JAG2: variants seen among roughly 807,000 people sequenced by gnomAD.
JAG2 encodes the protein protein jagged-2.
In JAG2, 46 loss-of-function variants were observed where a neutral mutation model predicts 141.7. That is an observed-to-expected ratio of 0.32 (90% CI 0.26 to 0.42). JAG2 has a LOEUF of 0.42. JAG2 is among the 10% of genes least tolerant of loss of function. JAG2 has a pLI of 1.00. For missense variants in JAG2, 1,500 were observed against 1,817.5 expected (o/e 0.83, Z 3.18); for synonymous variants, 862 against 763.5 (o/e 1.13, Z -2.13).
In JAG2 at chr14:105,154,518, C is replaced by T. The variant is rs1888524588; in HGVS notation, c.788+1044G>A. 6.6e-6 allele frequency among the ~76,000 whole-genome samples: 1 copy of T among 152,202 alleles called. No individual in the cohort carries two copies. The highest frequency in any genetic ancestry group is 2.4e-5 in the African/African-American group (1 of 41,454). ...CCAGCCCCCCTGGCTGGATCCCCCA[C>T]ACTCTGGTCTGGGTCCAGAGGCCTC... On this transcript the variant is annotated intron_variant, in intron 5 of 25. Coordinates refer to ENST00000331782, the MANE Select transcript of JAG2 (RefSeq NM_002226.5). This position sits in a 1 kb window ranked among gnomAD's most constrained non-coding sequence, Gnocchi z 4.4.
At chr14:105,161,331 G>T (rs1270224848) in intron 2 of JAG2, among the ~76,000 whole-genome samples, 1 of 152,134 alleles carries the variant, frequency 6.6e-6, no homozygotes, top group Non-Finnish European at 1.5e-5. Context: ...TCAGAGGATG[G>T]GGCCAGCATG....
rs1566756947 is a variant in JAG2, at chr14:105,142,367, A to T, written c.*328T>A. The T allele has an allele frequency of 3.6e-6, 1 of 278,564 alleles. No individual in the cohort carries two copies. Among genetic ancestry groups the T allele is most frequent in the Non-Finnish European group, 6.8e-6 (1 of 147,914 alleles). 17.3% of individuals were successfully genotyped at this position (278,564 alleles called of 1,614,324 possible). On this transcript the variant is annotated 3_prime_UTR_variant, in exon 26 of 26. Coordinates refer to ENST00000331782, the MANE Select transcript of JAG2 (RefSeq NM_002226.5). ...GTGAGGAATAAAAGGAAGATTCTGT[A>T]AACAGTGCACAACCTCTGGTAACAA...
chr14:105,143,736 G>A, intron 24 of JAG2, 98 bp from the exon 25 acceptor site: 4 of 1,462,992 alleles, frequency 2.7e-6, no homozygotes, highest in Non-Finnish European at 2.8e-6. Flanking sequence ...GGAGCAAGGT[G>A]GGCGCACGGG....
intron 5 of JAG2, among the ~76,000 whole-genome samples, chr14:105,152,497 G>A (rs765850416): frequency 5.3e-5 from 8 of 152,172 alleles, no homozygotes; most frequent in Non-Finnish European, 8.8e-5. Flanking sequence ...GGCTGCCGAC[G>A]GTCAGCCCCA....
In JAG2 at chr14:105,151,377, C is replaced by T. The variant is rs1194152666; in HGVS notation, c.1173G>A (p.Ser391=). ...AGGTGCCACCGGCCGCACACGGGTTCGAAGCACACTCATCGATGTCTGCAG... is the reference window on the plus strand; with the variant it reads ...AGGTGCCACCGGCCGCACACGGGTTTGAAGCACACTCATCGATGTCTGCAG... ...TCALDIDECA[S]NPCAAGGTCV... The change falls in exon 9 of 26, where the codon TCG becomes TCA. Residue 391 remains serine (S), a synonymous_variant. Transcript: ENST00000331782. 4 of 1,611,488 alleles carry T rather than the reference C, an allele frequency of 2.5e-6. No individual in the cohort carries two copies. The highest frequency in any genetic ancestry group is 1.3e-5 in the African/African-American group (1 of 74,994).
At chr14:105,157,322 CCCCTGCAGGG>C (rs1888611002) in intron 3 of JAG2, among the ~76,000 whole-genome samples, 3 of 151,916 alleles carry the variant, frequency 2.0e-5, no homozygotes, top group Admixed American at 1.3e-4. Context: ...CATCCCGTTA[CCCCTGCAGGG>C]CCCTGCAGAG....
Position 105,155,832 on chromosome 14 carries a change from G to A in JAG2, c.633C>T (p.Cys211=), listed in dbSNP as rs947700876. 3 of 1,612,478 alleles carry A rather than the reference G, an allele frequency of 1.9e-6. No individual in the cohort carries two copies. In the African/African-American group the frequency reaches 4.0e-5, roughly 22 times the overall value. The part of the protein sequence containing the change: ...NYYSATCNKF[C]RPRNDFFGHY... ...GGCCGAAAAAGTCGTTGCGGGGCCGGCAGAACTTGTTGCAAGTGGCGCTGT... is the reference window on the plus strand; with the variant it reads ...GGCCGAAAAAGTCGTTGCGGGGCCGACAGAACTTGTTGCAAGTGGCGCTGT... Residue 211 remains cysteine, a synonymous_variant, in exon 4 of 26, where the codon TGC becomes TGT. Coordinates refer to ENST00000331782, the MANE Select transcript of JAG2 (RefSeq NM_002226.5).
intron 2 of JAG2, among the ~76,000 whole-genome samples, chr14:105,159,706 T>TG (rs1888678446): frequency 2.0e-5 from 1 of 50,808 alleles, no homozygotes; most frequent in Non-Finnish European, 3.5e-5. Context: ...CCCCGCAACA[T>TG]GCTCCATCCA....
chr14:105,166,903 C>T (rs1880317093), intron 2 of JAG2, among the ~76,000 whole-genome samples: 1 of 152,180 alleles, frequency 6.6e-6, no homozygotes, highest in South Asian at 2.1e-4. Flanking sequence ...GGAAGGACCT[C>T]TGGGCACCAG....
At chr14:105,144,011 T>C (rs1401793650) in intron 24 of JAG2, among the ~76,000 whole-genome samples, 1 of 48,432 alleles carries the variant, frequency 2.1e-5, no homozygotes, top group Non-Finnish European at 4.2e-5. Flanking sequence ...TGGGGGGAAG[T>C]GGAGGGGTGG....
At chr14:105,144,001 TG>T (rs1205620166) in intron 24 of JAG2, among the ~76,000 whole-genome samples, 2 of 14,350 alleles carry the variant, frequency 1.4e-4, no homozygotes, top group Non-Finnish European at 1.5e-4. Flanking sequence ...CAGTGAGGGG[TG>T]GGGGGAAGTG....
chr14:105,155,095 C>G (rs1046403855), intron 5 of JAG2, among the ~76,000 whole-genome samples: 1 of 151,128 alleles, frequency 6.6e-6, no homozygotes, highest in Non-Finnish European at 1.5e-5. Flanking sequence ...TTCCACCCAC[C>G]TTGCCCAGCT....
chr14:105,165,047 C>G (rs1017669343), intron 2 of JAG2, among the ~76,000 whole-genome samples: 1 of 152,216 alleles, frequency 6.6e-6, no homozygotes, highest in Non-Finnish European at 1.5e-5. Context: ...GAGCCCAGCA[C>G]ACACATGCCA....
At chr14:105,164,364 AGG>A (rs1888847765) in intron 2 of JAG2, among the ~76,000 whole-genome samples, 1 of 152,126 alleles carries the variant, frequency 6.6e-6, no homozygotes, top group Non-Finnish European at 1.5e-5. Context: ...CCATGGCAGG[AGG>A]AACAGACCGA....
chr14:105,142,706 C>T lies in JAG2; in HGVS notation c.3706G>A (p.Gly1236Ser), dbSNP rs201557978. ...VRSINEARYA[G>S]KE ...GCTGGCAGCCGCCCCTACTCCTTGC[C>T]GGCGTAGCGGGCCTCATTGATGCTC... The change falls in exon 26 of 26, where the codon GGC becomes AGC. Residue 1236 changes from glycine to serine, a missense_variant. Gly to Ser is a moderately conservative substitution (Grantham distance 56). Transcript: ENST00000331782. 1,151 of 1,599,578 alleles carry T rather than the reference C, an allele frequency of 7.2e-4. No individual in the cohort carries two copies. The highest frequency in any genetic ancestry group is 2.1e-3 in the Admixed American group (125 of 58,988).
Position 105,155,718 on chromosome 14 carries a change from CA to C in JAG2, c.727+19del, listed in dbSNP as rs772664219. 2 of 1,612,258 alleles carry C rather than the reference CA, an allele frequency of 1.2e-6. No individual in the cohort carries two copies. Among genetic ancestry groups the C allele is most frequent in the East Asian group, 2.2e-5 (1 of 44,890 alleles). On this transcript the variant is annotated intron_variant, in intron 4 of 25. Transcript: ENST00000331782. ...CCCGAGGCCCTCCCTGCCCTCCACGCAGCCCAGCGGCCCCCTCACCTTCCTT... is the reference window on the plus strand; with the variant it reads ...CCCGAGGCCCTCCCTGCCCTCCACGCGCCCAGCGGCCCCCTCACCTTCCTT...
At chr14:105,156,103 C>A in intron 3 of JAG2, 114 bp from the exon 4 acceptor site, 5 of 1,358,066 alleles carry the variant, frequency 3.7e-6, no homozygotes, top group Non-Finnish European at 5.0e-6. Flanking sequence ...CGGGGCACAG[C>A]AGGCAGCAGC....
At position 105,167,326 on chromosome 14, in the gene JAG2, G is replaced by A. The variant is rs986261056; in HGVS notation, c.417+431C>T. On this transcript the variant is annotated intron_variant, in intron 2 of 25. Coordinates refer to ENST00000331782, the MANE Select transcript of JAG2 (RefSeq NM_002226.5). This position sits in a 1 kb window ranked among gnomAD's most constrained non-coding sequence, Gnocchi z 4.8. ...GTGCCCCCCAGGCATCCAGGAAACT[G>A]CAGGGCAGGCGCAGGCTGGCCACGG... Among the ~76,000 whole-genome samples, 1 of 152,078 alleles carries A rather than the reference G, an allele frequency of 6.6e-6. No homozygotes were observed. Among genetic ancestry groups the A allele is most frequent in the Non-Finnish European group, 1.5e-5 (1 of 67,994 alleles).
chr14:105,167,748 C>A lies in JAG2; in HGVS notation c.417+9G>T, dbSNP rs1888964638. Reference sequence around the variant, plus strand: ...AAGGGCTGGAGCACGAGGGATGGAGCGCACGTACCGGCCAGGCGAACTGGA... The same window carrying A: ...AAGGGCTGGAGCACGAGGGATGGAGAGCACGTACCGGCCAGGCGAACTGGA... On this transcript the variant is annotated intron_variant, in intron 2 of 25. Transcript: ENST00000331782. The surrounding 1 kb of genome is among the most constrained non-coding windows in gnomAD (Gnocchi z 4.8). 8 of 1,453,794 alleles carry A rather than the reference C, an allele frequency of 5.5e-6. No individual in the cohort carries two copies. The highest frequency in any genetic ancestry group is 7.2e-6 in the Non-Finnish European group (8 of 1,104,932). 90.1% of individuals were successfully genotyped at this position (1,453,794 alleles called of 1,614,324 possible).
Sources: allele counts gnomAD v4.1 joint callset (sites outside exome capture counted in the v4.1 genomes callset), GRCh38; gene constraint gnomAD v4.1.1; non-coding constraint Gnocchi (gnomAD v3.1); transcripts MANE v1.5; gene names NCBI Gene and HGNC (gene_info 2026-07-23, HGNC 2026-07-21).